Variants in DHRSX observed in about 807,000 individuals in gnomAD.
DHRSX encodes the protein polyprenol dehydrogenase.
DHRSX carries 31 observed loss-of-function variants against 34.0 expected under a neutral mutation model. The ratio of observed to expected loss-of-function variants is 0.91; its 90% CI spans 0.69 to 1.23. The LOEUF is 1.23. Among genes scored for constraint, DHRSX ranks in the 50% most tolerant of loss-of-function variants. DHRSX has a pLI of 0.00. For missense variants in DHRSX, 414 were observed against 428.1 expected, an observed-to-expected ratio of 0.97 and a Z score of 0.29; for synonymous variants, 201 against 183.8, an observed-to-expected ratio of 1.09 and a Z score of -0.76.
At chrX:2,423,820 G>A (rs1315209382) in intron 2 of DHRSX, among the ~76,000 whole-genome samples, 1 of 152,108 alleles carries the variant, frequency 6.6e-6, no homozygotes, top group African/African-American at 2.4e-5. Context: ...AGGGAGACCT[G>A]AAGAGGTCAC....
chrX:2,397,794 G>T (rs1017225959), intron 3 of DHRSX, among the ~76,000 whole-genome samples: 1 of 152,156 alleles, frequency 6.6e-6, no homozygotes, highest in Non-Finnish European at 1.5e-5. Context: ...GTGAAGTAGC[G>T]CATTTGCAAA....
intron 5 of DHRSX, among the ~76,000 whole-genome samples, chrX:2,245,264 G>A (rs2016249870): frequency 6.6e-6 from 1 of 152,026 alleles, no homozygotes; most frequent in Non-Finnish European, 1.5e-5. Context: ...CCTGTGAGCT[G>A]GAAGCCCCCT....
rs776424010 is a variant in DHRSX at position 2,470,778 on chromosome X, C to T, written c.109+30039G>A. Among the ~76,000 whole-genome samples, 11 of 148,892 alleles carry T rather than the reference C, an allele frequency of 7.4e-5. No individual in the cohort carries two copies. In the South Asian group the frequency reaches 2.4e-3, roughly 32 times the overall value. ...CAAATGAATTCCAAGTTCTATCACA[C>T]CACACAGTGATGATAGTTAATAATA... On this transcript the variant is annotated intron_variant, in intron 1 of 6. Transcript: ENST00000334651.
chrX:2,314,483 A>AAGGGGAGAAGGG (rs1556466908), intron 3 of DHRSX, among the ~76,000 whole-genome samples: 1 of 45,982 alleles, frequency 2.2e-5, no homozygotes, highest in African/African-American at 9.6e-5. Flanking sequence ...GGAAGGAAGG[A>AAGGGGAGAAGGG]AGGAAGGGAG....
chrX:2,255,184 C>T (rs2041260080), intron 5 of DHRSX, among the ~76,000 whole-genome samples: 2 of 151,580 alleles, frequency 1.3e-5, no homozygotes, highest in Non-Finnish European at 1.5e-5. Flanking sequence ...TGGATGGTGT[C>T]GATCTCAAAG....
intron 5 of DHRSX, among the ~76,000 whole-genome samples, chrX:2,263,409 C>T (rs1191710643): frequency 6.6e-6 from 1 of 151,934 alleles, no homozygotes; most frequent in Non-Finnish European, 1.5e-5. Context: ...AGCGGGTTCT[C>T]GCCAGACGCT....
intron 1 of DHRSX, among the ~76,000 whole-genome samples, chrX:2,440,120 A>G (rs2044044006): frequency 6.6e-6 from 1 of 152,232 alleles, no homozygotes; most frequent in African/African-American, 2.4e-5. Flanking sequence ...AAACAAGGTC[A>G]GTAGCATCTG....
Position 2,489,325 on chromosome X carries a change from G to A in DHRSX, c.109+11492C>T, listed in dbSNP as rs768054618. 3.7e-5 allele frequency: 60 copies of A among 1,613,938 alleles called. 2 individuals carry two copies. The South Asian group carries it at 6.0e-4, about 16-fold the overall frequency. ...AGGTGGCCACGTTGAGAAACATGTC[G>A]ATCTCGGGCGTCTCCTGGTAGGTCT... On this transcript the variant is annotated intron_variant, in intron 1 of 6. Coordinates refer to ENST00000334651, the MANE Select transcript of DHRSX (RefSeq NM_145177.3).
chrX:2,494,791 C>T (rs1312453031), intron 1 of DHRSX, among the ~76,000 whole-genome samples: 1 of 151,804 alleles, frequency 6.6e-6, no homozygotes, highest in Non-Finnish European at 1.5e-5. Flanking sequence ...TGAAAGAGGT[C>T]CCAGTACCTA....
intron 1 of DHRSX, among the ~76,000 whole-genome samples, chrX:2,438,528 G>A (rs780492572): frequency 1.6e-4 from 24 of 151,934 alleles, no homozygotes; most frequent in Admixed American, 3.3e-4. Context: ...AAAATTAGCC[G>A]GGCGAGATGG....
At chrX:2,411,382 C>G (rs1416221993) in intron 2 of DHRSX, among the ~76,000 whole-genome samples, 3 of 151,844 alleles carry the variant, frequency 2.0e-5, no homozygotes, top group Non-Finnish European at 2.9e-5. Context: ...AACCCCATCT[C>G]TACTAAAAAC....
intron 4 of DHRSX, among the ~76,000 whole-genome samples, chrX:2,276,788 G>A (rs750720333): frequency 1.5e-3 from 218 of 148,240 alleles, no homozygotes; most frequent in African/African-American, 5.1e-3. Flanking sequence ...GAGAAGGAGA[G>A]GGAGGAAATA....
At chrX:2,257,383 C>T (rs1195601642) in intron 5 of DHRSX, among the ~76,000 whole-genome samples, 9 of 152,200 alleles carry the variant, frequency 5.9e-5, no homozygotes, top group African/African-American at 2.2e-4. Flanking sequence ...GCCCAATGCA[C>T]AATAATTCGG....
At chrX:2,442,973 A>G (rs2044081558) in intron 1 of DHRSX, among the ~76,000 whole-genome samples, 1 of 152,172 alleles carries the variant, frequency 6.6e-6, no homozygotes, top group Non-Finnish European at 1.5e-5. Flanking sequence ...GTGTCAATCT[A>G]GAAGCTGAGT....
At chrX:2,416,438 T>A (rs1230287787) in intron 2 of DHRSX, among the ~76,000 whole-genome samples, 2 of 152,128 alleles carry the variant, frequency 1.3e-5, no homozygotes, top group Non-Finnish European at 2.9e-5. Context: ...AATAAAAAGA[T>A]TTTGAGCCCA....
chrX:2,310,111 G>A (rs897091609), intron 3 of DHRSX, among the ~76,000 whole-genome samples: 3 of 151,994 alleles, frequency 2.0e-5, no homozygotes, highest in South Asian at 2.1e-4. Context: ...CAGAACCTCC[G>A]GGATCCAGGC....
At chrX:2,294,664 C>A (rs752847624) in intron 3 of DHRSX, among the ~76,000 whole-genome samples, 511 of 128,894 alleles carry the variant, frequency 4.0e-3, no homozygotes, top group Non-Finnish European at 3.9e-3. Context: ...GACTCTGTCT[C>A]AAAAAAAAAA....
In DHRSX at chrX:2,489,722, T is replaced by C. The variant is rs150233925; in HGVS notation, c.109+11095A>G. 3.9e-5 allele frequency: 63 copies of C among 1,613,088 alleles called. No individual in the cohort carries two copies. The African/African-American group carries it at 6.1e-4, about 16-fold the overall frequency. Reference sequence around the variant, plus strand: ...CACGTTCTGCTGCTTCTGCTTCTCATAGAGCATGTACATGGCCACGGCAGA... The same window carrying C: ...CACGTTCTGCTGCTTCTGCTTCTCACAGAGCATGTACATGGCCACGGCAGA... On this transcript the variant is annotated intron_variant, in intron 1 of 6. Coordinates refer to ENST00000334651, the MANE Select transcript of DHRSX (RefSeq NM_145177.3).
chrX:2,335,133 C>T (rs147033215), intron 3 of DHRSX, among the ~76,000 whole-genome samples: 4,223 of 148,232 alleles, frequency 0.028, 200 homozygotes, highest in African/African-American at 0.1. Flanking sequence ...TGCAGTGAGC[C>T]GAGATCGTAC....
Sources: allele counts gnomAD v4.1 joint callset (sites outside exome capture counted in the v4.1 genomes callset), GRCh38; gene constraint gnomAD v4.1.1; transcripts MANE v1.5; gene names NCBI Gene and HGNC (gene_info 2026-07-23, HGNC 2026-07-21).